DENND2C: variants seen among roughly 807,000 people sequenced by gnomAD.
The protein encoded by DENND2C is DENN domain containing 2C, also known as DENN domain-containing protein 2C.
Under a neutral mutation model 112.4 loss-of-function variants are expected in DENND2C, and 72 were observed. The observed-to-expected ratio is 0.64, with a 90% confidence interval of 0.53 to 0.78. The LOEUF is 0.78. Ranked by LOEUF, DENND2C falls within the 30% of genes least tolerant of loss-of-function variation. The pLI is 0.00. For missense variants in DENND2C, 992 were observed against 1,113.8 expected, an observed-to-expected ratio of 0.89 and a Z score of 1.56; for synonymous variants, 329 against 381.6, an observed-to-expected ratio of 0.86 and a Z score of 1.61.
rs1211645613 is a variant in DENND2C, at chr1:114,654,734, G to A, written c.-546C>T. ...GAACTGGAAATAGCAAGTGGTTTAA[G>A]CAATACCGATGTTTGTTTCTCTGCC... On this transcript the variant is annotated 5_prime_UTR_variant, in exon 2 of 21. Transcript: ENST00000393274. 4.8e-5 allele frequency: 7 copies of A among 145,944 alleles called. No homozygotes were observed. The allele number at this position is 145,944 out of a possible 1,614,324, so 9.0% of individuals were successfully genotyped here.
intron 1 of DENND2C, among the ~76,000 whole-genome samples, chr1:114,669,704 T>C (rs1460834584): frequency 2.0e-5 from 3 of 151,692 alleles, no homozygotes; most frequent in African/African-American, 7.3e-5. Context: ...GCCCCTGAGG[T>C]AGCGAGGAGG....
intron 1 of DENND2C, among the ~76,000 whole-genome samples, chr1:114,661,899 G>A (rs1266127496): frequency 6.6e-6 from 1 of 152,054 alleles, no homozygotes; most frequent in African/African-American, 2.4e-5. Flanking sequence ...AATAAAATTT[G>A]GTTCAACGAC....
At chr1:114,633,966 C>T (rs1364206546) in intron 3 of DENND2C, among the ~76,000 whole-genome samples, 2 of 152,138 alleles carry the variant, frequency 1.3e-5, no homozygotes, top group African/African-American at 4.8e-5. Flanking sequence ...CATAAGAAAG[C>T]TGGATTGTCT....
intron 3 of DENND2C, among the ~76,000 whole-genome samples, chr1:114,637,338 C>CTA (rs1656684123): frequency 7.1e-6 from 1 of 139,976 alleles, no homozygotes; most frequent in African/African-American, 2.7e-5. Context: ...TACTGTAACT[C>CTA]TAGACTGGGC....
chr1:114,634,677 C>A (rs1210860300), intron 3 of DENND2C, among the ~76,000 whole-genome samples: 2 of 152,160 alleles, frequency 1.3e-5, no homozygotes, highest in African/African-American at 2.4e-5. Flanking sequence ...GGAAACAAAT[C>A]TTTTAAAATA....
intron 7 of DENND2C, among the ~76,000 whole-genome samples, chr1:114,621,351 T>C (rs1017940139): frequency 3.3e-5 from 5 of 152,240 alleles, no homozygotes; most frequent in Admixed American, 3.3e-4. Context: ...CTAGTAGAGA[T>C]GATGTACAGA....
chr1:114,589,350 A>T (rs1473087186), intron 18 of DENND2C, among the ~76,000 whole-genome samples: 2 of 152,102 alleles, frequency 1.3e-5, no homozygotes, highest in Non-Finnish European at 2.9e-5. Context: ...CACTTTTCTC[A>T]GTTGGCCTGT....
intron 5 of DENND2C, 44 bp from the exon 6 acceptor site, chr1:114,623,143 A>G (rs1656213794): frequency 2.0e-6 from 3 of 1,535,504 alleles, no homozygotes. Context: ...ACATAATTAA[A>G]TGCAAAGATA....
Position 114,623,053 on chromosome 1 carries a change from T to C in DENND2C, c.990A>G (p.Leu330=). The change falls in exon 6 of 21, where the codon TTA becomes TTG. Residue 330 remains leucine, a synonymous_variant. Coordinates refer to ENST00000393274, the MANE Select transcript of DENND2C (RefSeq NM_001256404.2). ...NPYEDIPVQP[L]PMWRSPSAWK... is the part of the protein sequence containing the mutation. ...ATGCTGAAGGGGATCTCCACATAGG[T>C]AAAGGCTGCACTGGAATATCTTCAT... 1 of 1,612,788 alleles carries C rather than the reference T, an allele frequency of 6.2e-7. No individual in the cohort carries two copies.
At chr1:114,618,283 C>T (rs1025509440) in intron 8 of DENND2C, 103 bp downstream of exon 8, 35 of 756,114 alleles carry the variant, frequency 4.6e-5, no homozygotes, top group Middle Eastern at 5.4e-4. Flanking sequence ...CCACCACGCC[C>T]GGCCCCAAAA....
In DENND2C at chr1:114,623,452, G is replaced by A. The variant is rs1443528511; in HGVS notation, c.943+55C>T. The A allele has an allele frequency of 5.9e-6, 9 of 1,538,226 alleles. No homozygotes were observed. The East Asian group carries it at 1.9e-4, about 32-fold the overall frequency. On this transcript the variant is annotated intron_variant, in intron 5 of 20. Transcript: ENST00000393274. Reference sequence around the variant, plus strand: ...GAAGAAAATACCATCCTACAATTAAGGGCTTCACCAAATATATAATCACTA... The same window carrying A: ...GAAGAAAATACCATCCTACAATTAAAGGCTTCACCAAATATATAATCACTA...
At chr1:114,590,676 G>C (rs1655160587) in intron 18 of DENND2C, among the ~76,000 whole-genome samples, 1 of 151,334 alleles carries the variant, frequency 6.6e-6, no homozygotes, top group African/African-American at 2.4e-5. Flanking sequence ...TATGCGGAAG[G>C]CTGAGGCAGG....
At chr1:114,623,484 A>T (rs754057399) in intron 5 of DENND2C, 23 bp downstream of exon 5, 1 of 1,594,038 alleles carries the variant, frequency 6.3e-7, no homozygotes. Context: ...ACTAAATTTA[A>T]CTGCAAAGTT....
chr1:114,623,228 T>C, intron 5 of DENND2C, 129 bp from the exon 6 acceptor site: 1 of 837,970 alleles, frequency 1.2e-6, no homozygotes, highest in Non-Finnish European at 1.8e-6. Flanking sequence ...GGGATGTGGG[T>C]TTCCAGATCA....
At chr1:114,616,830 T>A (rs1427911396) in intron 8 of DENND2C, among the ~76,000 whole-genome samples, 2 of 151,860 alleles carry the variant, frequency 1.3e-5, no homozygotes, top group African/African-American at 2.4e-5. Flanking sequence ...ACTCCAGCCT[T>A]GGCAACAAGA....
chr1:114,660,531 C>G (rs1327273653), intron 1 of DENND2C, among the ~76,000 whole-genome samples: 3 of 152,130 alleles, frequency 2.0e-5, no homozygotes, highest in African/African-American at 7.2e-5. Flanking sequence ...GTAAGTTTGC[C>G]TGTCTCTAAT....
intron 7 of DENND2C, among the ~76,000 whole-genome samples, chr1:114,621,441 T>C (rs917309201): frequency 7.9e-5 from 12 of 152,242 alleles, no homozygotes; most frequent in African/African-American, 2.9e-4. Context: ...AGTAATAGAT[T>C]TGTTTTTTTC....
chr1:114,634,629 C>G (rs747422877), intron 3 of DENND2C, among the ~76,000 whole-genome samples: 4 of 152,100 alleles, frequency 2.6e-5, no homozygotes, highest in Admixed American at 6.5e-5. Flanking sequence ...AAAGAGAAAT[C>G]AGTAACAAAA....
At chr1:114,655,883 A>AATATAT (rs10525704) in intron 1 of DENND2C, among the ~76,000 whole-genome samples, 22,058 of 125,708 alleles carry the variant, frequency 0.18, 1,832 homozygotes, top group Middle Eastern at 0.24. Context: ...TATATGTATA[A>AATATAT]ATATATATAT....
Sources: allele counts gnomAD v4.1 joint callset (sites outside exome capture counted in the v4.1 genomes callset), GRCh38; gene constraint gnomAD v4.1.1; transcripts MANE v1.5; gene names NCBI Gene and HGNC (gene_info 2026-07-23, HGNC 2026-07-21).